ACP2: variants seen among roughly 807,000 people sequenced by gnomAD.
ACP2 encodes the protein acid phosphatase 2, lysosomal.
Under a neutral mutation model 54.7 loss-of-function variants are expected in ACP2, and 35 were observed. The ratio of observed to expected loss-of-function variants is 0.64; its 90% CI spans 0.49 to 0.85. The LOEUF is 0.85. Ranked by LOEUF, ACP2 falls within the 40% of genes least tolerant of loss-of-function variation. The pLI is 0.00. For synonymous variants in ACP2, 210 were observed against 224.4 expected (o/e 0.94, Z 0.57); for missense variants, 492 against 565.0 (o/e 0.87, Z 1.31).
chr11:47,243,265 G>T lies in ACP2; in HGVS notation c.829C>A (p.Leu277Ile). The T allele has an allele frequency of 3.7e-6, 6 of 1,614,238 alleles. No homozygotes were observed. The highest frequency in any genetic ancestry group is 5.1e-6 in the Non-Finnish European group (6 of 1,180,042). ...GCAGAGTAAACCAGCAGCTTGGGGA[G>T]CTGGGAGGTGGTCGCCATTAGGGTC... is the stretch of plus-strand genomic sequence containing the variant. ...NLTLMATTSQLPKLLVYSAHD... is the reference protein window; with the variant it reads ...NLTLMATTSQIPKLLVYSAHD... The change falls in exon 8 of 11, where the codon CTC becomes ATC. Residue 277 changes from leucine to isoleucine, a missense_variant. Coordinates refer to ENST00000672073, the MANE Select transcript of ACP2 (RefSeq NM_001610.4).
chr11:47,245,806 C>G lies in ACP2; in HGVS notation c.326G>C (p.Arg109Pro). 1.3e-6 allele frequency: 2 copies of G among 1,590,418 alleles called. No individual in the cohort carries two copies. Among genetic ancestry groups the G allele is most frequent in the Non-Finnish European group, 1.7e-6 (2 of 1,167,682 alleles). ...GTTGGCCTCAGCACTCATGAGAGTC[C>G]GGTCAAAGTCTGTGCTTCGCACATA... ...EVYVRSTDFD[R>P]TLMSAEANLA... The change falls in exon 4 of 11, where the codon CGG (arginine) becomes CCG (proline). Residue 109 changes from arginine to proline, a missense_variant. By Grantham distance (103) the Arg-to-Pro change is moderately radical (BLOSUM62 -2). Coordinates refer to ENST00000672073, the MANE Select transcript of ACP2 (RefSeq NM_001610.4).
At chr11:47,244,688 C>G (rs748363859) in intron 7 of ACP2, 47 bp downstream of exon 7, 1 of 1,490,998 alleles carries the variant, frequency 6.7e-7, no homozygotes, top group Admixed American at 1.9e-5. Flanking sequence ...ATTTTTAACG[C>G]CTTAGGGTCC....
intron 1 of ACP2, 117 bp from the exon 2 acceptor site, chr11:47,248,250 G>A (rs1006949417): frequency 5.3e-6 from 6 of 1,130,248 alleles, no homozygotes; most frequent in South Asian, 4.7e-5. Flanking sequence ...GAAGCCTACT[G>A]GCTGCAAAAG....
chr11:47,247,963 C>G (rs546036088), intron 2 of ACP2, 75 bp downstream of exon 2: 2 of 1,323,480 alleles, frequency 1.5e-6, no homozygotes, highest in Admixed American at 4.6e-5. Context: ...TTAGTAGGAC[C>G]CCAAGTTTTG....
chr11:47,246,179 T>C (rs181193306), intron 3 of ACP2, among the ~76,000 whole-genome samples: 231 of 152,352 alleles, frequency 1.5e-3, no homozygotes, highest in African/African-American at 5.3e-3. Context: ...TAAGGCTCTC[T>C]GGTCTGTCTG....
chr11:47,245,857 CGTGT>C (rs58712815), intron 3 of ACP2, 23 bp from the exon 4 acceptor site: 3,301 of 1,460,106 alleles, frequency 2.3e-3, no homozygotes, highest in South Asian at 3.3e-3. Context: ...CAACACAAGT[CGTGT>C]GTGTGTGTGT....
intron 1 of ACP2, 87 bp from the exon 2 acceptor site, chr11:47,248,220 G>C: frequency 7.6e-7 from 1 of 1,323,140 alleles, no homozygotes. Context: ...TGTTAGGGAA[G>C]GAAGTCTCAT....
chr11:47,246,729 A>T (rs1266247183), intron 3 of ACP2, among the ~76,000 whole-genome samples: 1 of 152,024 alleles, frequency 6.6e-6, no homozygotes, highest in Admixed American at 6.5e-5. Flanking sequence ...TACAAAAATT[A>T]GCCAGGCATG....
In ACP2 at chr11:47,248,699, G is replaced by C. The variant is rs745371771; in HGVS notation, c.91C>G (p.Arg31Gly). Residue 31 changes from arginine to glycine, a missense_variant, in exon 1 of 11, where the codon CGG becomes GGG. Physicochemically the swap from Arg to Gly is moderately radical, Grantham distance 125. Coordinates refer to ENST00000672073, the MANE Select transcript of ACP2 (RefSeq NM_001610.4). ...ACCAAGGTAACGAAGCGCAGACTCC[G>C]GGCCCGGGTGGGCGGCATCACCACC... Reference protein sequence around the residue: ...NLVVMPPTRARSLRFVTLLYR... With the variant: ...NLVVMPPTRAGSLRFVTLLYR... 22 of 1,611,948 alleles carry C rather than the reference G, an allele frequency of 1.4e-5. No individual in the cohort carries two copies. The Admixed American group carries it at 3.2e-4, about 23-fold the overall frequency.
intron 6 of ACP2, 156 bp downstream of exon 6, chr11:47,245,149 G>T: frequency 1.0e-6 from 1 of 958,146 alleles, no homozygotes; most frequent in Non-Finnish European, 1.7e-6. Flanking sequence ...GAGGATCTCT[G>T]TCACCCATGA....
chr11:47,242,802 G>C lies in ACP2; in HGVS notation c.1059C>G (p.Asp353Glu), dbSNP rs117138208. The C allele has an allele frequency of 2.7e-3, 4,397 of 1,614,210 alleles. 13 individuals carry two copies. The highest frequency in any genetic ancestry group is 5.3e-3 in the Middle Eastern group (32 of 6,062). Residue 353 changes from aspartate to glutamate, a missense_variant, in exon 10 of 11, where the codon GAC becomes GAG. Asp to Glu is a conservative substitution (Grantham distance 45, BLOSUM62 2). Coordinates refer to ENST00000672073, the MANE Select transcript of ACP2 (RefSeq NM_001610.4). ...PGCPHRCPLQ[D>E]FLRLTEPVVP... is the part of the protein sequence containing the mutation. ...CGACGGGCTCTGTGAGGCGAAGGAA[G>C]TCCTGCAGTGGGCAGCGGTGAGGGC... is the stretch of plus-strand genomic sequence containing the variant.
intron 10 of ACP2, among the ~76,000 whole-genome samples, chr11:47,241,097 G>C (rs7933246): frequency 0.27 from 40,643 of 152,156 alleles, 6,873 homozygotes; most frequent in East Asian, 0.65. Context: ...GTAGGAGATG[G>C]GGCAGGAGAC....
intron 7 of ACP2, among the ~76,000 whole-genome samples, chr11:47,243,740 G>T (rs1023655700): frequency 6.6e-6 from 1 of 152,206 alleles, no homozygotes; most frequent in Admixed American, 6.5e-5. Flanking sequence ...AAGCTGGCAT[G>T]TGTGTTACTC....
Position 47,245,728 on chromosome 11 carries a change from G to A in ACP2, c.404C>T (p.Ser135Leu), listed in dbSNP as rs865928928. 8.7e-6 allele frequency: 14 copies of A among 1,613,724 alleles called. No homozygotes were observed. The highest frequency in any genetic ancestry group is 8.0e-5 in the African/African-American group (6 of 74,944). ...AGTGTGCACAGGAATAGGCTGCCAC[G>A]AGATGTTCGGGTTGAAGCGCTGCAT... ...NGMQRFNPNI[S>L]WQPIPVHTVP... is the part of the protein sequence containing the mutation. Residue 135 changes from serine (S) to leucine (L), a missense_variant, in exon 4 of 11, where the codon TCG becomes TTG. Transcript: ENST00000672073.
At chr11:47,247,340 T>C in intron 3 of ACP2, 2 of 485,736 alleles carry the variant, frequency 4.1e-6, no homozygotes, top group Non-Finnish European at 7.5e-6. Context: ...CCTTGGCCTT[T>C]AATAGGTACT....
chr11:47,244,105 A>G (rs1048351599), intron 7 of ACP2, among the ~76,000 whole-genome samples: 12 of 151,934 alleles, frequency 7.9e-5, no homozygotes, highest in Admixed American at 3.9e-4. Flanking sequence ...CCACTCTACT[A>G]TAGCCTGGGT....
intron 1 of ACP2, 79 bp downstream of exon 1, chr11:47,248,597 C>T (rs1447936641): frequency 6.4e-7 from 1 of 1,553,808 alleles, no homozygotes; most frequent in Non-Finnish European, 8.7e-7. Flanking sequence ...CTGTTCCTTC[C>T]CGAGATCCTC....
Position 47,248,759 on chromosome 11 carries a change from C to T in ACP2, c.31G>A (p.Ala11Thr), listed in dbSNP as rs563102892. The change falls in exon 1 of 11, where the codon GCG (alanine) becomes ACG (threonine). Residue 11 changes from alanine to threonine, a missense_variant. Coordinates refer to ENST00000672073, the MANE Select transcript of ACP2 (RefSeq NM_001610.4). ...CCGAGAAGGAGCTGGAGGAGAGCCG[C>T]CCGGCTCCAGCCGGACCGCTTGCCC... MAGKRSGWSR[A>T]ALLQLLLGVN... 3.1e-6 allele frequency: 5 copies of T among 1,603,626 alleles called. No individual in the cohort carries two copies. Among genetic ancestry groups the T allele is most frequent in the Non-Finnish European group, 4.3e-6 (5 of 1,175,526 alleles).
At chr11:47,245,139 G>A (rs1954018141) in intron 6 of ACP2, 166 bp downstream of exon 6, 1 of 928,720 alleles carries the variant, frequency 1.1e-6, no homozygotes, top group Admixed American at 1.9e-5. Context: ...TTCCCACTCT[G>A]AGGATCTCTG....
Sources: gnomAD v4.1 joint callset for allele counts (sites outside exome capture counted in the v4.1 genomes callset) on GRCh38, gnomAD v4.1.1 for gene constraint, MANE v1.5 for transcripts, NCBI Gene and HGNC (gene_info 2026-07-23, HGNC 2026-07-21) for gene names.